The following MERTK variants were observed in gnomAD, a reference collection of about 807,000 sequenced individuals.
The protein encoded by MERTK is tyrosine-protein kinase Mer.
A neutral mutation model predicts 99.3 loss-of-function variants in MERTK; 69 were observed. The ratio of observed to expected loss-of-function variants is 0.70; its 90% CI spans 0.57 to 0.85. The LOEUF is 0.85. Among genes scored for constraint, MERTK ranks in the 40% least tolerant of loss-of-function variants. The pLI is 0.00. For missense variants in MERTK, 1,125 were observed against 1,249.4 expected, an observed-to-expected ratio of 0.90 and a Z score of 1.50; for synonymous variants, 426 against 467.6, an observed-to-expected ratio of 0.91 and a Z score of 1.15.
At chr2:111,913,157 C>T (rs1186639981) in intron 1 of MERTK, 1 of 818,474 alleles carries the variant, frequency 1.2e-6, no homozygotes, top group African/African-American at 1.9e-5. Context: ...GACCTCTATG[C>T]CAGGAATCAA....
intron 2 of MERTK, among the ~76,000 whole-genome samples, chr2:111,935,624 A>G (rs1488661693): frequency 3.4e-5 from 5 of 147,576 alleles, no homozygotes; most frequent in Admixed American, 6.8e-5. Context: ...TTTTTAAACT[A>G]CTTGGTCTTG....
chr2:111,975,842 G>A (rs1676236279), intron 7 of MERTK, among the ~76,000 whole-genome samples: 1 of 152,136 alleles, frequency 6.6e-6, no homozygotes, highest in African/African-American at 2.4e-5. Flanking sequence ...CAAGCAGTCG[G>A]CTCTGCAGCG....
At chr2:111,971,282 A>T (rs1418598411) in intron 6 of MERTK, among the ~76,000 whole-genome samples, 1 of 150,546 alleles carries the variant, frequency 6.6e-6, no homozygotes, top group Admixed American at 6.6e-5. Flanking sequence ...GATTTTGTGA[A>T]TTTTTTTCTA....
intron 1 of MERTK, among the ~76,000 whole-genome samples, chr2:111,911,027 A>G (rs4848857): frequency 0.97 from 148,302 of 152,210 alleles, 72,370 homozygotes; most frequent in Middle Eastern, 1. Context: ...GTGATAACTC[A>G]ATACGAAGCC....
At chr2:111,954,454 A>AGTGATTATTATGTATGATT (rs1444404142) in intron 4 of MERTK, among the ~76,000 whole-genome samples, 2 of 152,198 alleles carry the variant, frequency 1.3e-5, no homozygotes, top group African/African-American at 2.4e-5. Context: ...TTACTAATCA[A>AGTGATTATTATGTATGATT]GTGATTATTA....
In MERTK at chr2:111,982,985, G is replaced by A. The variant is rs1676402553; in HGVS notation, c.1288G>A (p.Gly430Arg). ...YRISHVWQSA[G>R]ISKELLEEVG... is the part of the protein sequence containing the mutation. ...GATATCCCACGTGTGGCAGAGTGCA[G>A]GGATTTCCGTAAGTCTAAACCCTAG... Residue 430 changes from glycine (G) to arginine (R), a missense_variant, in exon 8 of 19, where the codon GGG becomes AGG. By Grantham distance (125) the Gly-to-Arg change is moderately radical. Transcript: ENST00000295408. The A allele has an allele frequency of 6.2e-7, 1 of 1,613,528 alleles. No homozygotes were observed. Among genetic ancestry groups the A allele is most frequent in the African/African-American group, 1.3e-5 (1 of 74,802 alleles).
chr2:111,951,535 A>G (rs1037073904), intron 4 of MERTK, among the ~76,000 whole-genome samples: 1 of 124,636 alleles, frequency 8.0e-6, no homozygotes, highest in African/African-American at 2.7e-5. Flanking sequence ...ATATATATAT[A>G]TATATATATA....
intron 4 of MERTK, among the ~76,000 whole-genome samples, chr2:111,956,868 A>T (rs1685156898): frequency 6.6e-6 from 1 of 152,000 alleles, no homozygotes; most frequent in African/African-American, 2.4e-5. Context: ...CAGGCTAGTT[A>T]GGCATTTTTA....
intron 9 of MERTK, among the ~76,000 whole-genome samples, chr2:111,995,684 T>A (rs1676721138): frequency 6.6e-6 from 1 of 152,228 alleles, no homozygotes; most frequent in Non-Finnish European, 1.5e-5. Flanking sequence ...ACGCAGTGAC[T>A]CACGCCTGTA....
Position 112,029,498 on chromosome 2 carries a change from A to G in MERTK, c.*634A>G, listed in dbSNP as rs1677537586. On this transcript the variant is annotated 3_prime_UTR_variant, in exon 19 of 19. Transcript: ENST00000295408. The stretch of plus-strand genomic sequence containing the variant: ...GACCATTCTTGGCATTGCTTTATAG[A>G]GATATGGAAAAACCACACCAGGGTC... The G allele has an allele frequency of 4.3e-6, 1 of 231,956 alleles. No homozygotes were observed. Among genetic ancestry groups the G allele is most frequent in the African/African-American group, 2.3e-5 (1 of 42,882 alleles). 14.4% of individuals were successfully genotyped at this position (231,956 alleles called of 1,614,324 possible). A position where few individuals can be genotyped will look rare whatever the true frequency, so the allele number is the denominator to read the frequency against.
intron 1 of MERTK, among the ~76,000 whole-genome samples, chr2:111,925,475 G>A (rs1205690352): frequency 1.3e-5 from 2 of 150,338 alleles, no homozygotes; most frequent in African/African-American, 4.9e-5. Context: ...CTAAATTTTC[G>A]TATTTTTAGT....
At chr2:111,997,764 A>G (rs1676781815) in intron 10 of MERTK, among the ~76,000 whole-genome samples, 1 of 152,234 alleles carries the variant, frequency 6.6e-6, no homozygotes, top group South Asian at 2.1e-4. Flanking sequence ...AGAAGCCTTA[A>G]AAATAGGCCG....
intron 7 of MERTK, among the ~76,000 whole-genome samples, chr2:111,979,764 AT>A (rs1271658180): frequency 3.3e-5 from 5 of 151,004 alleles, no homozygotes; most frequent in African/African-American, 1.2e-4. Flanking sequence ...TTCATTGAAA[AT>A]TTTTTTCTGG....
At chr2:112,026,765 ATAT>A (rs984408403) in intron 18 of MERTK, among the ~76,000 whole-genome samples, 7 of 152,226 alleles carry the variant, frequency 4.6e-5, no homozygotes, top group Non-Finnish European at 8.8e-5. Context: ...AGATGAAAAG[ATAT>A]TATTATACAT....
intron 2 of MERTK, among the ~76,000 whole-genome samples, chr2:111,935,774 G>A (rs1055461250): frequency 7.9e-5 from 12 of 151,492 alleles, no homozygotes; most frequent in African/African-American, 2.9e-4. Context: ...GCTTATAATT[G>A]CAACTCTGAG....
At chr2:111,905,271 C>T (rs1445699879) in intron 1 of MERTK, among the ~76,000 whole-genome samples, 2 of 152,064 alleles carry the variant, frequency 1.3e-5, no homozygotes, top group African/African-American at 4.8e-5. Context: ...CACATTTTCA[C>T]TCTCGGGGCC....
intron 4 of MERTK, among the ~76,000 whole-genome samples, chr2:111,963,341 C>A (rs1036737624): frequency 6.6e-5 from 10 of 152,190 alleles, no homozygotes; most frequent in African/African-American, 9.7e-5. Context: ...TCTCAACTGC[C>A]AAGAGGCGTT....
At chr2:111,963,085 G>C (rs996635039) in intron 4 of MERTK, among the ~76,000 whole-genome samples, 2 of 152,000 alleles carry the variant, frequency 1.3e-5, no homozygotes, top group Non-Finnish European at 2.9e-5. Context: ...TGGAGAGAAG[G>C]TCAGCAGATA....
chr2:111,973,915 G>A (rs1676175966), intron 6 of MERTK, among the ~76,000 whole-genome samples: 1 of 149,872 alleles, frequency 6.7e-6, no homozygotes, highest in South Asian at 2.1e-4. Context: ...GGAAAGATAA[G>A]GCAGTATGTT....
Sources: allele counts gnomAD v4.1 joint callset (sites outside exome capture counted in the v4.1 genomes callset), GRCh38; gene constraint gnomAD v4.1.1; transcripts MANE v1.5; gene names NCBI Gene and HGNC (gene_info 2026-07-23, HGNC 2026-07-21).